Variants in SCML4 observed in about 807,000 individuals in gnomAD.
SCML4 encodes sex comb on midleg-like protein 4.
A neutral mutation model predicts 41.1 loss-of-function variants in SCML4; 34 were observed. That is an observed-to-expected ratio of 0.83 (90% CI 0.63 to 1.10). The LOEUF (loss-of-function observed/expected upper bound fraction) is 1.10, where lower values mean the gene tolerates loss of function less well. Among genes scored for constraint, SCML4 ranks in the 50% least tolerant of loss-of-function variants. The probability of loss-of-function intolerance (pLI) is 0.00; values close to 1 mark genes in which losing one functional copy is unlikely to be tolerated. For synonymous variants in SCML4, 214 were observed against 220.9 expected, an observed-to-expected ratio of 0.97 and a Z score of 0.28; for missense variants, 522 against 534.1, an observed-to-expected ratio of 0.98 and a Z score of 0.22.
At chr6:107,780,732 T>TA (rs11316650) in intron 1 of SCML4, among the ~76,000 whole-genome samples, 65 of 143,092 alleles carry the variant, frequency 4.5e-4, no homozygotes, top group South Asian at 4.5e-4. Context: ...TAATAAAACT[T>TA]AAAAAAAAAA....
At chr6:107,751,288 C>T (rs776218873) in intron 2 of SCML4, among the ~76,000 whole-genome samples, 2 of 152,236 alleles carry the variant, frequency 1.3e-5, no homozygotes, top group South Asian at 4.2e-4. Flanking sequence ...GAGGTTGAGG[C>T]ATTTCTTGGG....
intron 2 of SCML4, among the ~76,000 whole-genome samples, chr6:107,761,586 G>A (rs982991943): frequency 3.3e-5 from 5 of 151,908 alleles, no homozygotes; most frequent in Non-Finnish European, 7.4e-5. Flanking sequence ...ACAGGCAGGC[G>A]CTACCATGCC....
chr6:107,766,154 G>C (rs1041459360), intron 2 of SCML4, among the ~76,000 whole-genome samples: 1 of 152,098 alleles, frequency 6.6e-6, no homozygotes, highest in Non-Finnish European at 1.5e-5. Flanking sequence ...CGGATCACCT[G>C]AGGTCAGGAG....
At chr6:107,792,241 T>C (rs1782385717) in intron 1 of SCML4, among the ~76,000 whole-genome samples, 1 of 152,120 alleles carries the variant, frequency 6.6e-6, no homozygotes, top group East Asian at 1.9e-4. Context: ...CTGCAGATGA[T>C]CTCCAGTGGC....
chr6:107,733,184 G>A (rs1360810473), intron 5 of SCML4, among the ~76,000 whole-genome samples: 2 of 152,208 alleles, frequency 1.3e-5, no homozygotes. Context: ...CAGAAGCTGT[G>A]AGACCCTAAA....
At chr6:107,765,752 C>A (rs114926859) in intron 2 of SCML4, among the ~76,000 whole-genome samples, 3,603 of 152,314 alleles carry the variant, frequency 0.024, 147 homozygotes, top group African/African-American at 0.083. Context: ...TGCTGTACAT[C>A]TTTTCCCAAA....
chr6:107,845,358 C>G, the SCML4 span, among the ~76,000 whole-genome samples: 1 of 152,206 alleles, frequency 6.6e-6, no homozygotes, highest in African/African-American at 2.4e-5. Flanking sequence ...GCCCCGACCA[C>G]CAGTTAACAT....
At chr6:107,835,853 AAAG>A in the SCML4 span, among the ~76,000 whole-genome samples, 683 of 152,252 alleles carry the variant, frequency 4.5e-3, 12 homozygotes, top group African/African-American at 0.016. Flanking sequence ...GAAAAAACTA[AAAG>A]AAGGAAAATA....
intron 5 of SCML4, among the ~76,000 whole-genome samples, chr6:107,741,058 C>T (rs907631607): frequency 2.6e-5 from 4 of 152,164 alleles, no homozygotes; most frequent in African/African-American, 9.7e-5. Context: ...GTGGGGCAGT[C>T]ATTATGTCTT....
intron 1 of SCML4, among the ~76,000 whole-genome samples, chr6:107,803,833 A>C (rs965933584): frequency 6.6e-6 from 1 of 151,186 alleles, no homozygotes; most frequent in Non-Finnish European, 1.5e-5. Context: ...TGCTTTGTCA[A>C]ACAGATGCTT....
At chr6:107,829,922 G>A in the SCML4 span, among the ~76,000 whole-genome samples, 217 of 152,138 alleles carry the variant, frequency 1.4e-3, 2 homozygotes, top group South Asian at 0.021. Context: ...AAAACTAAAA[G>A]CTTTGTCAGC....
chr6:107,760,037 T>C (rs1667588417), intron 2 of SCML4, among the ~76,000 whole-genome samples: 1 of 152,216 alleles, frequency 6.6e-6, no homozygotes. Context: ...GTTGTTGGTT[T>C]CTAAGCTCTT....
the SCML4 span, among the ~76,000 whole-genome samples, chr6:107,831,429 A>C: frequency 6.7e-6 from 1 of 149,864 alleles, no homozygotes; most frequent in Non-Finnish European, 1.5e-5. Flanking sequence ...AAAAAAAAAA[A>C]AAAACCCAGC....
intron 5 of SCML4, among the ~76,000 whole-genome samples, chr6:107,738,095 A>G (rs1191452009): frequency 6.6e-6 from 1 of 151,588 alleles, no homozygotes; most frequent in African/African-American, 2.4e-5. Flanking sequence ...AAAGGCAACA[A>G]CAATTTTCCC....
chr6:107,745,379 G>T lies in SCML4; in HGVS notation c.488-236C>A, dbSNP rs1464209461. 6 of 472,390 alleles carry T rather than the reference G, an allele frequency of 1.3e-5. 1 individual carries two copies. The Admixed American group carries it at 2.3e-4, about 18-fold the overall frequency. The allele number at this position is 472,390 out of a possible 1,614,324, so 29.3% of individuals were successfully genotyped here. The stretch of plus-strand genomic sequence containing the variant: ...CTCCTTGGTCTGTGACTGTTTCTCA[G>T]TCTTGCCTTGTTTTTCATCACTCTA... On this transcript the variant is annotated intron_variant, in intron 4 of 7. Transcript: ENST00000369020.
intron 1 of SCML4, among the ~76,000 whole-genome samples, chr6:107,790,131 G>A (rs1049328838): frequency 6.6e-6 from 1 of 152,154 alleles, no homozygotes; most frequent in Non-Finnish European, 1.5e-5. Context: ...ATCTCCCAGC[G>A]CTTCTGTTTC....
At chr6:107,712,578 G>T (rs1774331692) in intron 6 of SCML4, among the ~76,000 whole-genome samples, 1 of 152,166 alleles carries the variant, frequency 6.6e-6, no homozygotes, top group Non-Finnish European at 1.5e-5. Flanking sequence ...GGCAGCAGGG[G>T]CCTGGCTCGG....
intron 6 of SCML4, among the ~76,000 whole-genome samples, chr6:107,714,866 C>G (rs1046976047): frequency 5.3e-5 from 8 of 151,540 alleles, no homozygotes; most frequent in Non-Finnish European, 1.5e-5. Flanking sequence ...AGCTCACTCC[C>G]CTGTTCAGAA....
At chr6:107,794,498 T>C (rs1348174534) in intron 1 of SCML4, among the ~76,000 whole-genome samples, 3 of 152,180 alleles carry the variant, frequency 2.0e-5, no homozygotes, top group African/African-American at 7.2e-5. Context: ...TGTACAGTTA[T>C]TTCACTTGTA....
Sources: gnomAD v4.1 joint callset for allele counts (sites outside exome capture counted in the v4.1 genomes callset) on GRCh38, gnomAD v4.1.1 for gene constraint, MANE v1.5 for transcripts, NCBI Gene and HGNC (gene_info 2026-07-23, HGNC 2026-07-21) for gene names.